The following CPSF4L variants were observed in gnomAD, a reference collection of about 807,000 sequenced individuals.
CPSF4L encodes the protein cleavage and polyadenylation specific factor 4 like.
In CPSF4L, 18 loss-of-function variants were observed where a neutral mutation model predicts 24.0. The observed-to-expected ratio is 0.75, with a 90% CI of 0.52 to 1.11. The LOEUF (loss-of-function observed/expected upper bound fraction) is 1.11. CPSF4L is among the 50% of genes least tolerant of loss of function. The probability of loss-of-function intolerance (pLI) is 0.00; values close to 1 mark genes in which losing one functional copy is unlikely to be tolerated. For missense variants in CPSF4L, 211 were observed against 221.8 expected, an observed-to-expected ratio of 0.95 and a Z score of 0.31; for synonymous variants, 72 against 77.2, an observed-to-expected ratio of 0.93 and a Z score of 0.35.
chr17:73,260,818 T>G, intron 2 of CPSF4L, 115 bp downstream of exon 2: 1 of 657,828 alleles, frequency 1.5e-6, no homozygotes, highest in Non-Finnish European at 2.6e-6. Context: ...CAATTTTCCC[T>G]CCCCAGGTGC....
intron 5 of CPSF4L, 80 bp downstream of exon 5, chr17:73,252,550 C>T (rs1054834596): frequency 1.9e-5 from 16 of 859,386 alleles, no homozygotes; most frequent in African/African-American, 1.3e-4. Flanking sequence ...TAAGGACCAG[C>T]GAAGGTATGG....
Position 73,248,468 on chromosome 17 carries a change from G to C in CPSF4L, c.*26C>G, listed in dbSNP as rs759754542. ...GTTCTGCCCTGTCTGTGGCATTGGA[G>C]TGCCCCGCTAGGTAAGAAGCAACGC... On this transcript the variant is annotated 3_prime_UTR_variant, in exon 6 of 6. Coordinates refer to ENST00000344935, the MANE Select transcript of CPSF4L (RefSeq NM_001129885.1). The C allele has an allele frequency of 1.4e-3, 2,095 of 1,550,492 alleles. 3 individuals carry two copies. The highest frequency in any genetic ancestry group is 1.7e-3 in the Non-Finnish European group (1,950 of 1,146,014).
chr17:73,252,014 ATG>A (rs1345490388), intron 5 of CPSF4L, among the ~76,000 whole-genome samples: 17 of 152,364 alleles, frequency 1.1e-4, no homozygotes, highest in Non-Finnish European at 1.3e-4. Context: ...TGTGTCCCAC[ATG>A]CATGATGACA....
At chr17:73,256,842 C>T (rs561432676) in intron 3 of CPSF4L, among the ~76,000 whole-genome samples, 17 of 152,132 alleles carry the variant, frequency 1.1e-4, no homozygotes, top group African/African-American at 2.9e-4. Flanking sequence ...GCCTGGCCAA[C>T]GTGGCAAAAC....
chr17:73,258,299 C>T (rs532184867), intron 2 of CPSF4L, among the ~76,000 whole-genome samples: 4 of 151,832 alleles, frequency 2.6e-5, no homozygotes, highest in South Asian at 2.1e-4. Flanking sequence ...CGTGAGCCAC[C>T]GCGCCCAGCC....
intron 1 of CPSF4L, among the ~76,000 whole-genome samples, chr17:73,261,285 G>A (rs939092014): frequency 6.6e-6 from 1 of 152,228 alleles, no homozygotes; most frequent in Non-Finnish European, 1.5e-5. Context: ...TCTGGAAAAT[G>A]GGTTGCCCCG....
chr17:73,260,850 G>T, intron 2 of CPSF4L, 83 bp downstream of exon 2: 2 of 1,148,916 alleles, frequency 1.7e-6, no homozygotes, highest in South Asian at 1.4e-5. Flanking sequence ...CCTATCCCAG[G>T]CCAGGCAGAG....
chr17:73,251,893 T>C (rs2062007431), intron 5 of CPSF4L, among the ~76,000 whole-genome samples: 1 of 152,228 alleles, frequency 6.6e-6, no homozygotes, highest in South Asian at 2.1e-4. Context: ...CCATGCGTGC[T>C]ACCCAGCTAG....
downstream of CPSF4L, chr17:73,247,283 C>T (rs1489608901): frequency 6.2e-7 from 1 of 1,614,162 alleles, no homozygotes; most frequent in Admixed American, 1.7e-5. Context: ...ACAGTACCTC[C>T]ATGCATTGGT....
chr17:73,252,723 C>A lies in CPSF4L; in HGVS notation c.404G>T (p.Gly135Val). 1 of 1,544,850 alleles carries A rather than the reference C, an allele frequency of 6.5e-7. No homozygotes were observed. Among genetic ancestry groups the A allele is most frequent in the Non-Finnish European group, 8.8e-7 (1 of 1,142,632 alleles). The part of the protein sequence containing the change: ...PWYDQGFCKD[G>V]PLCKYRHVPR... ...GACATGGCGGTATTTACACAGAGGA[C>A]CTGCTGAGCAAAGAGAAAGTGATGA... The change falls in exon 5 of 6, where the codon GGT (glycine) becomes GTT (valine). Residue 135 changes from glycine (G) to valine (V), a missense_variant and splice_region_variant. Transcript: ENST00000344935.
At chr17:73,261,388 GT>G (rs1350341925) in intron 1 of CPSF4L, among the ~76,000 whole-genome samples, 1 of 152,220 alleles carries the variant, frequency 6.6e-6, no homozygotes, top group East Asian at 1.9e-4. Flanking sequence ...GAGGCTGGGC[GT>G]GGTGGCTCAT....
the CPSF4L span, chr17:73,242,455 G>C: frequency 1.4e-6 from 1 of 705,002 alleles, no homozygotes; most frequent in Non-Finnish European, 2.3e-6. Flanking sequence ...GGAAAAAAAT[G>C]TTAAAATGTG....
chr17:73,255,683 G>A (rs1287666954), intron 3 of CPSF4L, among the ~76,000 whole-genome samples: 2 of 152,098 alleles, frequency 1.3e-5, no homozygotes, highest in African/African-American at 4.8e-5. Context: ...TTTGTTCATT[G>A]TCAGTATACA....
intron 5 of CPSF4L, among the ~76,000 whole-genome samples, chr17:73,251,341 A>G (rs1303744086): frequency 2.0e-5 from 3 of 152,116 alleles, no homozygotes; most frequent in African/African-American, 7.2e-5. Flanking sequence ...CTTCTTTCAA[A>G]GCCTGCTCAG....
intron 3 of CPSF4L, among the ~76,000 whole-genome samples, chr17:73,255,828 C>T (rs948347175): frequency 6.6e-6 from 1 of 152,148 alleles, no homozygotes; most frequent in Non-Finnish European, 1.5e-5. Flanking sequence ...CGTTCTGCTG[C>T]GTGCACGTCT....
At chr17:73,261,365 A>G (rs970261674) in intron 1 of CPSF4L, among the ~76,000 whole-genome samples, 1 of 152,234 alleles carries the variant, frequency 6.6e-6, no homozygotes, top group Non-Finnish European at 1.5e-5. Flanking sequence ...CCTGTAGAGA[A>G]GGAAGGGGGA....
At chr17:73,247,371 T>G (rs764340042), downstream of CPSF4L, 2 of 1,609,594 alleles carry the variant, frequency 1.2e-6, no homozygotes, top group South Asian at 1.1e-5. Context: ...GAAGCCTTCG[T>G]GACTTCTCTC....
chr17:73,249,065 G>C (rs1178171263), intron 5 of CPSF4L: 1 of 152,982 alleles, frequency 6.5e-6, no homozygotes, highest in African/African-American at 2.4e-5. Flanking sequence ...CCTTTGTACT[G>C]TAATTTAGGG....
Position 73,253,982 on chromosome 17 carries a change from C to G in CPSF4L, c.352G>C (p.Ala118Pro), listed in dbSNP as rs2062015100. The G allele has an allele frequency of 1.9e-6, 3 of 1,551,706 alleles. No individual in the cohort carries two copies. The highest frequency in any genetic ancestry group is 2.6e-6 in the Non-Finnish European group (3 of 1,146,992). Residue 118 changes from alanine (A) to proline (P), a missense_variant, in exon 4 of 6, where the codon GCT (alanine) becomes CCT (proline). By Grantham distance (27) the Ala-to-Pro change is conservative. Coordinates refer to ENST00000344935, the MANE Select transcript of CPSF4L (RefSeq NM_001129885.1). ...CAAGGACAGTCCTGGGACTTGAAAG[C>G]TGGCTTCACATGGAGGAAGGAACAC... ...KECSFLHVKP[A>P]FKSQDCPWYD... is the part of the protein sequence containing the mutation.
Sources: gnomAD v4.1 joint callset for allele counts (sites outside exome capture counted in the v4.1 genomes callset) on GRCh38, gnomAD v4.1.1 for gene constraint, MANE v1.5 for transcripts, NCBI Gene and HGNC (gene_info 2026-07-23, HGNC 2026-07-21) for gene names.